DLC1: variants seen among roughly 807,000 people sequenced by gnomAD.
DLC1 encodes DLC1 Rho GTPase activating protein.
DLC1 carries 54 observed loss-of-function variants against 140.3 expected under a neutral mutation model. That is an observed-to-expected ratio of 0.38 (90% CI 0.31 to 0.48). The LOEUF is 0.48. Among genes scored for constraint, DLC1 ranks in the 20% least tolerant of loss-of-function variants. The pLI is 0.96. For synonymous variants in DLC1, 986 were observed against 728.1 expected (o/e 1.35, Z -5.70); for missense variants, 2,536 against 1,907.0 (o/e 1.33, Z -6.14).
intron 4 of DLC1, among the ~76,000 whole-genome samples, chr8:13,329,375 G>A (rs1317726303): frequency 6.6e-6 from 1 of 152,128 alleles, no homozygotes; most frequent in Non-Finnish European, 1.5e-5. Flanking sequence ...GGTTGGAGTT[G>A]TATCCTAGAA....
intron 5 of DLC1, among the ~76,000 whole-genome samples, chr8:13,119,673 C>G (rs1370283207): frequency 2.0e-5 from 3 of 152,092 alleles, no homozygotes; most frequent in Admixed American, 6.5e-5. Flanking sequence ...TTTCTGAGGC[C>G]AAGCGAGGTG....
At chr8:13,428,658 T>C (rs1376923236) in intron 2 of DLC1, among the ~76,000 whole-genome samples, 1 of 151,864 alleles carries the variant, frequency 6.6e-6, no homozygotes, top group Non-Finnish European at 1.5e-5. Context: ...CCTCGGGAGA[T>C]TGTAGGGTAC....
At chr8:13,327,845 A>G (rs1301823425) in intron 4 of DLC1, among the ~76,000 whole-genome samples, 1 of 152,238 alleles carries the variant, frequency 6.6e-6, no homozygotes, top group Non-Finnish European at 1.5e-5. Context: ...CACTGTGGAG[A>G]GTGTTACAAA....
chr8:13,246,146 A>G (rs553071335), intron 5 of DLC1, among the ~76,000 whole-genome samples: 1 of 152,346 alleles, frequency 6.6e-6, no homozygotes, highest in Admixed American at 6.5e-5. Context: ...CAACACTTCC[A>G]CCTAGAACTG....
intron 6 of DLC1, 40 bp downstream of exon 6, chr8:13,115,546 T>C (rs747334328): frequency 7.6e-6 from 12 of 1,577,138 alleles, no homozygotes; most frequent in South Asian, 1.1e-5. Context: ...CAAGGGATTA[T>C]GATTATGCCA....
intron 3 of DLC1, among the ~76,000 whole-genome samples, chr8:13,395,019 TATCTATCTATCTATC>T (rs1457703510): frequency 2.4e-4 from 21 of 86,958 alleles, no homozygotes; most frequent in African/African-American, 8.7e-4. Context: ...TCTATCTATC[TATCTATCTATCTATC>T]ATCTATCTAT....
intron 5 of DLC1, among the ~76,000 whole-genome samples, chr8:13,299,477 T>A (rs1464885615): frequency 7.4e-6 from 1 of 135,988 alleles, no homozygotes; most frequent in Non-Finnish European, 1.6e-5. Flanking sequence ...AAGCTCCTCA[T>A]CTTTTTTTTT....
upstream of DLC1, among the ~76,000 whole-genome samples, chr8:13,518,039 T>A (rs181417639): frequency 2.0e-4 from 30 of 152,334 alleles, no homozygotes; most frequent in Non-Finnish European, 2.9e-5. Context: ...AACAATTATG[T>A]ACTCTGTGGA....
At chr8:13,188,227 GC>G (rs1826499476) in intron 5 of DLC1, among the ~76,000 whole-genome samples, 1 of 151,402 alleles carries the variant, frequency 6.6e-6, no homozygotes, top group South Asian at 2.1e-4. Flanking sequence ...GGTTACAGGT[GC>G]CGGCCACCAT....
chr8:13,542,566 G>A (rs998364101), intron 1 of DLC1, among the ~76,000 whole-genome samples: 1 of 151,924 alleles, frequency 6.6e-6, no homozygotes, highest in Non-Finnish European at 1.5e-5. Context: ...GAAAGTCTTG[G>A]ATTTTGATCG....
chr8:13,307,233 C>A (rs536881256), intron 4 of DLC1, among the ~76,000 whole-genome samples: 1 of 152,220 alleles, frequency 6.6e-6, no homozygotes, highest in South Asian at 2.1e-4. Flanking sequence ...CCGCATGCTT[C>A]CAAAGATGCA....
At chr8:13,240,561 G>A (rs1179188263) in intron 5 of DLC1, among the ~76,000 whole-genome samples, 1 of 152,016 alleles carries the variant, frequency 6.6e-6, no homozygotes, top group East Asian at 1.9e-4. Context: ...AAGTAGCTGG[G>A]ACTACAGGCA....
chr8:13,287,206 G>A (rs1563225803), intron 5 of DLC1, among the ~76,000 whole-genome samples: 3 of 152,110 alleles, frequency 2.0e-5, no homozygotes, highest in East Asian at 1.9e-4. Context: ...GGGCTTTCTG[G>A]CCTCTGAAAC....
At chr8:13,460,874 C>T (rs1025959850) in intron 2 of DLC1, among the ~76,000 whole-genome samples, 1 of 152,152 alleles carries the variant, frequency 6.6e-6, no homozygotes, top group Non-Finnish European at 1.5e-5. Context: ...GTTACAGTGG[C>T]TTATTTCACA....
At chr8:13,192,985 T>C (rs1475240033) in intron 5 of DLC1, among the ~76,000 whole-genome samples, 1 of 152,338 alleles carries the variant, frequency 6.6e-6, no homozygotes, top group East Asian at 1.9e-4. Flanking sequence ...ACTAATACAG[T>C]GACCCTCTTG....
At chr8:13,427,483 T>A (rs1247532948) in intron 2 of DLC1, among the ~76,000 whole-genome samples, 1 of 152,210 alleles carries the variant, frequency 6.6e-6, no homozygotes, top group Non-Finnish European at 1.5e-5. Context: ...TTTCTTAACA[T>A]AGATGAAGAT....
At chr8:13,538,364 A>C (rs116708881) in intron 1 of DLC1, among the ~76,000 whole-genome samples, 2,662 of 147,664 alleles carry the variant, frequency 0.018, 71 homozygotes, top group African/African-American at 0.067. Context: ...GCCAGCACTG[A>C]GTATAAAAAA....
At chr8:13,560,454 A>T (rs1363358963) in intron 1 of DLC1, among the ~76,000 whole-genome samples, 1 of 138,982 alleles carries the variant, frequency 7.2e-6, no homozygotes, top group Non-Finnish European at 1.6e-5. Flanking sequence ...TAAAATAAAG[A>T]TACTTCTTAA....
At chr8:13,303,265 A>G (rs1832276911) in intron 5 of DLC1, among the ~76,000 whole-genome samples, 4 of 152,292 alleles carry the variant, frequency 2.6e-5, no homozygotes, top group Admixed American at 1.3e-4. Flanking sequence ...GTTGCTAGGT[A>G]TCTGAGATGG....
Sources: gnomAD v4.1 joint callset for allele counts (sites outside exome capture counted in the v4.1 genomes callset) on GRCh38, gnomAD v4.1.1 for gene constraint, MANE v1.5 for transcripts, NCBI Gene and HGNC (gene_info 2026-07-23, HGNC 2026-07-21) for gene names.